The following SV2C variants were observed in gnomAD, a reference collection of about 807,000 sequenced individuals.
The protein encoded by SV2C is synaptic vesicle glycoprotein 2C.
A neutral mutation model predicts 79.7 loss-of-function variants in SV2C; 49 were observed. That is an observed-to-expected ratio of 0.61 (90% CI 0.49 to 0.78). The LOEUF (loss-of-function observed/expected upper bound fraction) is 0.78, where lower values mean the gene tolerates loss of function less well. Among genes scored for constraint, SV2C ranks in the 30% least tolerant of loss-of-function variants. The pLI, the probability that SV2C is intolerant of heterozygous loss-of-function variation, is 0.00. For synonymous variants in SV2C, 334 were observed against 333.2 expected, an observed-to-expected ratio of 1.00 and a Z score of -0.03; for missense variants, 833 against 912.9, an observed-to-expected ratio of 0.91 and a Z score of 1.13.
At chr5:75,902,735 A>G in the SV2C span, among the ~76,000 whole-genome samples, 4 of 152,212 alleles carry the variant, frequency 2.6e-5, no homozygotes, top group East Asian at 7.7e-4. Flanking sequence ...CTGGCTCATA[A>G]TTTGCTGGGC....
rs116731983 is a variant in SV2C, at chr5:76,175,592, T to C, written c.581-19327T>C. On this transcript the variant is annotated intron_variant, in intron 2 of 12. Transcript: ENST00000502798. The stretch of plus-strand genomic sequence containing the variant: ...TCCCAGACAACTTCCTGTTTGCAGC[T>C]CGATGTGCTGATGAGATACTTTTAA... Among the ~76,000 whole-genome samples, 570 of 152,328 alleles carry C rather than the reference T, an allele frequency of 3.7e-3. 4 individuals are homozygous for C. Among genetic ancestry groups the C allele is most frequent in the African/African-American group, 0.013 (551 of 41,582 alleles).
the SV2C span, among the ~76,000 whole-genome samples, chr5:75,934,594 T>C: frequency 6.6e-6 from 1 of 152,202 alleles, no homozygotes. Context: ...CCTCAGAGTT[T>C]GTTTTAAATT....
the SV2C span, among the ~76,000 whole-genome samples, chr5:76,049,418 T>C: frequency 1.3e-5 from 2 of 152,142 alleles, no homozygotes; most frequent in African/African-American, 2.4e-5. Flanking sequence ...TAAATGAACT[T>C]TACAGATTTC....
At chr5:75,907,928 C>A in the SV2C span, among the ~76,000 whole-genome samples, 2 of 152,234 alleles carry the variant, frequency 1.3e-5, no homozygotes, top group Non-Finnish European at 2.9e-5. Context: ...CCTGCCCCTG[C>A]ACACACAGCC....
intron 4 of SV2C, among the ~76,000 whole-genome samples, chr5:76,218,425 A>G (rs1178288669): frequency 1.3e-5 from 2 of 152,250 alleles, no homozygotes; most frequent in Non-Finnish European, 2.9e-5. Context: ...CTATGCAGCC[A>G]TAAAAAATAA....
At position 76,285,862 on chromosome 5, in the gene SV2C, G is replaced by T. The variant is rs776849848; in HGVS notation, c.1129G>T (p.Val377Phe). ...NMRARGQPEK[V>F]FTVNKIKTPK... ...GAGAGCCCGGGGTCAGCCTGAGAAGGTCTTCACGGTGAGTCTTCTCCCCAG... is the reference window on the plus strand; with the variant it reads ...GAGAGCCCGGGGTCAGCCTGAGAAGTTCTTCACGGTGAGTCTTCTCCCCAG... The change falls in exon 6 of 13, where the codon GTC (valine) becomes TTC (phenylalanine). Residue 377 changes from valine (V) to phenylalanine (F), a missense_variant. Coordinates refer to ENST00000502798, the MANE Select transcript of SV2C (RefSeq NM_014979.4). The T allele has an allele frequency of 1.2e-6, 2 of 1,613,852 alleles. No individual in the cohort carries two copies. Among genetic ancestry groups the T allele is most frequent in the Non-Finnish European group, 8.5e-7 (1 of 1,179,860 alleles).
chr5:75,857,577 G>T, the SV2C span, among the ~76,000 whole-genome samples: 1 of 152,050 alleles, frequency 6.6e-6, no homozygotes, highest in African/African-American at 2.4e-5. Context: ...GCTCAGGATG[G>T]CTTTGGTTAT....
intron 12 of SV2C, among the ~76,000 whole-genome samples, chr5:76,346,100 T>G (rs1036049317): frequency 3.9e-5 from 6 of 152,216 alleles, no homozygotes; most frequent in Non-Finnish European, 8.8e-5. Flanking sequence ...CCACCATGGT[T>G]AATTTCAAGC....
intron 4 of SV2C, among the ~76,000 whole-genome samples, chr5:76,284,679 G>A (rs565322970): frequency 1.4e-4 from 21 of 152,212 alleles, no homozygotes; most frequent in African/African-American, 4.8e-4. Flanking sequence ...GGGAAGCAAG[G>A]GAAATAATAT....
intron 3 of SV2C, among the ~76,000 whole-genome samples, chr5:76,195,690 T>C (rs1744251835): frequency 6.6e-6 from 1 of 152,186 alleles, no homozygotes; most frequent in Admixed American, 6.5e-5. Flanking sequence ...CACTTATAAC[T>C]ATACTAAATG....
the SV2C span, among the ~76,000 whole-genome samples, chr5:75,852,507 TA>T: frequency 6.6e-6 from 1 of 152,188 alleles, no homozygotes; most frequent in East Asian, 1.9e-4. Flanking sequence ...ATGACATATT[TA>T]AAACACTACA....
the SV2C span, among the ~76,000 whole-genome samples, chr5:76,024,327 T>C: frequency 6.6e-6 from 1 of 152,166 alleles, no homozygotes; most frequent in Non-Finnish European, 1.5e-5. Context: ...TCAAAATATA[T>C]ATATTTGCTG....
rs75807347 is a variant in SV2C, at chr5:76,213,053, C to T, written c.913+3166C>T. 1.1e-4 allele frequency among the ~76,000 whole-genome samples: 16 copies of T among 152,254 alleles called. No individual in the cohort carries two copies. The East Asian group carries it at 3.1e-3, about 29-fold the overall frequency. The stretch of plus-strand genomic sequence containing the variant: ...ACACAACAAAATTAAATGTCGGAGG[C>T]TGACATCAACTTTTATGTTGACAAC... On this transcript the variant is annotated intron_variant, in intron 4 of 12. Coordinates refer to ENST00000502798, the MANE Select transcript of SV2C (RefSeq NM_014979.4).
intron 1 of SV2C, among the ~76,000 whole-genome samples, chr5:76,104,996 A>G (rs530553304): frequency 6.6e-6 from 1 of 152,326 alleles, no homozygotes; most frequent in South Asian, 2.1e-4. Flanking sequence ...CCAAAAAGTC[A>G]TGTTCTCCCA....
the SV2C span, among the ~76,000 whole-genome samples, chr5:76,006,827 A>C: frequency 4.6e-5 from 7 of 152,142 alleles, no homozygotes; most frequent in African/African-American, 1.7e-4. Context: ...CCATGCCTTC[A>C]GTCACATTAG....
intron 2 of SV2C, among the ~76,000 whole-genome samples, chr5:76,140,026 G>A (rs1252937106): frequency 6.6e-6 from 1 of 151,946 alleles, no homozygotes; most frequent in Non-Finnish European, 1.5e-5. Flanking sequence ...TTACAAATCT[G>A]GGATATATTT....
chr5:76,286,316 G>T (rs567981816), intron 6 of SV2C, among the ~76,000 whole-genome samples: 4 of 152,090 alleles, frequency 2.6e-5, no homozygotes, highest in Non-Finnish European at 5.9e-5. Context: ...CCAGAAGAGA[G>T]CCAGGCTGTG....
the SV2C span, among the ~76,000 whole-genome samples, chr5:75,854,301 C>A: frequency 6.6e-6 from 1 of 152,104 alleles, no homozygotes; most frequent in Non-Finnish European, 1.5e-5. Context: ...GTTGTTTCAT[C>A]TTGTGGATGA....
chr5:76,283,417 C>A (rs1216759765), intron 4 of SV2C, among the ~76,000 whole-genome samples: 1 of 152,174 alleles, frequency 6.6e-6, no homozygotes. Flanking sequence ...TGTGCTGTGG[C>A]CTGAAATTTA....
Sources: allele counts gnomAD v4.1 joint callset (sites outside exome capture counted in the v4.1 genomes callset), GRCh38; gene constraint gnomAD v4.1.1; transcripts MANE v1.5; gene names NCBI Gene and HGNC (gene_info 2026-07-23, HGNC 2026-07-21).